Variants in NARS2 observed in about 807,000 individuals in gnomAD.
NARS2 encodes the protein asparaginyl-tRNA synthetase 2, mitochondrial.
NARS2 carries 60 observed loss-of-function variants against 62.9 expected under a neutral mutation model. The ratio of observed to expected loss-of-function variants is 0.95; its 90% CI spans 0.77 to 1.18. NARS2 has a LOEUF of 1.18. NARS2 is among the 50% of genes most tolerant of loss of function. The probability of loss-of-function intolerance (pLI) is 0.00; values close to 1 mark genes in which losing one functional copy is unlikely to be tolerated. For synonymous variants in NARS2, 196 were observed against 200.0 expected (o/e 0.98, Z 0.17); for missense variants, 619 against 576.4 (o/e 1.07, Z -0.76).
Position 78,493,149 on chromosome 11 carries a change from T to G in NARS2, c.736A>C (p.Asn246His). 1 of 1,614,032 alleles carries G rather than the reference T, an allele frequency of 6.2e-7. No homozygotes were observed. The highest frequency in any genetic ancestry group is 8.5e-7 in the Non-Finnish European group (1 of 1,179,952). The change falls in exon 7 of 14, where the codon AAT becomes CAT. Residue 246 changes from asparagine to histidine, a missense_variant. Asn to His is a moderately conservative substitution (Grantham distance 68). Coordinates refer to ENST00000281038, the MANE Select transcript of NARS2 (RefSeq NM_024678.6). The stretch of plus-strand genomic sequence containing the variant: ...GCCAGGTGCCTCCGGCTCTGAGAAT[T>G]TTCAGCTCGGAAGGTCGGACCAAAG... ...FTFGPTFRAE[N>H]SQSRRHLAEF...
In NARS2 at chr11:78,522,119, ATTTTT is replaced by A. The variant is rs59159824; in HGVS notation, c.689+6718_689+6722del. On this transcript the variant is annotated intron_variant, in intron 6 of 13. Transcript: ENST00000281038. ...TGGTATGTGCCACTACATCCAGCTA[ATTTTT>A]TTTTTTTTTTTTTTGGTAGAGATAA... Among the ~76,000 whole-genome samples, 1,283 of 134,916 alleles carry A rather than the reference ATTTTT, an allele frequency of 9.5e-3. 30 individuals are homozygous for A. Among genetic ancestry groups the A allele is most frequent in the African/African-American group, 0.034 (1,230 of 36,590 alleles). 88.5% of individuals were successfully genotyped at this position (134,916 alleles called of 152,430 possible). A position where few individuals can be genotyped will look rare whatever the true frequency, so the allele number is the denominator to read the frequency against.
Position 78,465,980 on chromosome 11 carries a change from A to C in NARS2, c.1060T>G (p.Tyr354Asp). The change falls in exon 11 of 14, where the codon TAC (tyrosine) becomes GAC (aspartate). Residue 354 changes from tyrosine (Y) to aspartate (D), a missense_variant. Physicochemically the swap from Tyr to Asp is radical, Grantham distance 160. Coordinates refer to ENST00000281038, the MANE Select transcript of NARS2 (RefSeq NM_024678.6). Reference sequence around the variant, plus strand: ...ATGTTGCCACAGTGCTTCACCAGGTACTTTTCATGTTCAGTCCGTAGGTCA... The same window carrying C: ...ATGTTGCCACAGTGCTTCACCAGGTCCTTTTCATGTTCAGTCCGTAGGTCA... ...GADLRTEHEK[Y>D]LVKHCGNIPV... is the part of the protein sequence containing the mutation. 1.2e-6 allele frequency: 2 copies of C among 1,613,284 alleles called. No individual in the cohort carries two copies. Among genetic ancestry groups the C allele is most frequent in the Non-Finnish European group, 1.7e-6 (2 of 1,179,620 alleles).
chr11:78,526,640 T>G (rs1861304112), intron 6 of NARS2, among the ~76,000 whole-genome samples: 1 of 152,256 alleles, frequency 6.6e-6, no homozygotes, highest in East Asian at 1.9e-4. Flanking sequence ...ATACAAAACC[T>G]AGTATTCTAC....
intron 5 of NARS2, among the ~76,000 whole-genome samples, chr11:78,538,994 C>CAAAAAAAAAAAAAAA (rs59917269): frequency 8.0e-5 from 4 of 49,794 alleles, no homozygotes; most frequent in East Asian, 1.5e-3. Context: ...GAATCCGTCT[C>CAAAAAAAAAAAAAAA]AAAAAAAAAA....
chr11:78,541,850 C>A (rs1855632600), intron 5 of NARS2, among the ~76,000 whole-genome samples: 1 of 152,184 alleles, frequency 6.6e-6, no homozygotes, highest in Non-Finnish European at 1.5e-5. Flanking sequence ...AGAAATTGTT[C>A]TGCATGCCAT....
At chr11:78,440,963 C>A (rs1183191090) in intron 13 of NARS2, 128 bp downstream of exon 13, 2 of 792,362 alleles carry the variant, frequency 2.5e-6, no homozygotes. Flanking sequence ...CCTTCCCTGA[C>A]CTAAGAACAG....
intron 11 of NARS2, among the ~76,000 whole-genome samples, chr11:78,463,234 AT>A (rs972764207): frequency 1.3e-5 from 2 of 151,854 alleles, no homozygotes; most frequent in Admixed American, 1.3e-4. Context: ...TGGCTAATTT[AT>A]TTTTTGTTGA....
rs1284992811 is a variant in NARS2, at chr11:78,465,985, T to C, written c.1055A>G (p.Glu352Gly). 2 of 1,612,694 alleles carry C rather than the reference T, an allele frequency of 1.2e-6. No individual in the cohort carries two copies. Residue 352 changes from glutamate to glycine, a missense_variant, in exon 11 of 14, where the codon GAA becomes GGA. Glu to Gly is a moderately conservative substitution (Grantham distance 98, BLOSUM62 -2). Coordinates refer to ENST00000281038, the MANE Select transcript of NARS2 (RefSeq NM_024678.6). ...GCCACAGTGCTTCACCAGGTACTTT[T>C]CATGTTCAGTCCGTAGGTCAGCACC... The part of the protein sequence containing the change: ...EWGADLRTEH[E>G]KYLVKHCGNI...
intron 5 of NARS2, among the ~76,000 whole-genome samples, chr11:78,530,918 T>C (rs1013579110): frequency 1.3e-5 from 2 of 152,236 alleles, no homozygotes; most frequent in African/African-American, 4.8e-5. Flanking sequence ...AAACTGATAC[T>C]ACCTTACTAT....
At chr11:78,476,052 G>A (rs529487167) in intron 9 of NARS2, among the ~76,000 whole-genome samples, 1 of 152,332 alleles carries the variant, frequency 6.6e-6, no homozygotes, top group Non-Finnish European at 1.5e-5. Flanking sequence ...TGTGATGTCT[G>A]CCTGCCTGAG....
chr11:78,494,485 T>C (rs1859974607), intron 6 of NARS2, among the ~76,000 whole-genome samples: 1 of 150,122 alleles, frequency 6.7e-6, no homozygotes, highest in African/African-American at 2.4e-5. Context: ...TTTTTTTTTT[T>C]TAGTAAAGAT....
chr11:78,518,308 C>T (rs1860986767), intron 6 of NARS2, among the ~76,000 whole-genome samples: 1 of 151,906 alleles, frequency 6.6e-6, no homozygotes, highest in African/African-American at 2.4e-5. Flanking sequence ...GGAACCAGTC[C>T]CCCTCAGATA....
chr11:78,494,016 A>G (rs1254511959), intron 6 of NARS2, among the ~76,000 whole-genome samples: 3 of 152,202 alleles, frequency 2.0e-5, no homozygotes, highest in Non-Finnish European at 4.4e-5. Context: ...TTCAAAGCCC[A>G]CTCAAGTCCT....
At chr11:78,450,408 T>C (rs954813612) in intron 11 of NARS2, among the ~76,000 whole-genome samples, 3 of 152,312 alleles carry the variant, frequency 2.0e-5, no homozygotes, top group Admixed American at 2.0e-4. Context: ...ACTAATTTAA[T>C]GGTATGCAGG....
chr11:78,449,976 C>A (rs756044128), intron 11 of NARS2, among the ~76,000 whole-genome samples: 22 of 152,116 alleles, frequency 1.4e-4, no homozygotes, highest in Non-Finnish European at 2.6e-4. Context: ...GGTCTTGGGG[C>A]AGATGGGAAA....
At chr11:78,468,191 A>C (rs1023419027) in intron 10 of NARS2, among the ~76,000 whole-genome samples, 4 of 151,394 alleles carry the variant, frequency 2.6e-5, no homozygotes, top group Non-Finnish European at 5.9e-5. Context: ...CTTAAATATA[A>C]AGTTCTTTAA....
intron 6 of NARS2, among the ~76,000 whole-genome samples, chr11:78,503,254 T>C (rs1394150144): frequency 6.6e-6 from 1 of 152,176 alleles, no homozygotes; most frequent in Admixed American, 6.5e-5. Context: ...GCACAGATGC[T>C]GAATGGTACA....
At chr11:78,437,410 T>C (rs985940365) in intron 13 of NARS2, among the ~76,000 whole-genome samples, 4 of 152,048 alleles carry the variant, frequency 2.6e-5, no homozygotes, top group African/African-American at 9.7e-5. Flanking sequence ...AATGCTGGAG[T>C]GAGGAGAAAC....
intron 11 of NARS2, among the ~76,000 whole-genome samples, chr11:78,462,242 C>T (rs985070422): frequency 4.6e-5 from 7 of 152,022 alleles, no homozygotes; most frequent in African/African-American, 2.4e-5. Flanking sequence ...GAAAAAAAGC[C>T]AACAGATACA....
Sources: gnomAD v4.1 joint callset for allele counts (sites outside exome capture counted in the v4.1 genomes callset) on GRCh38, gnomAD v4.1.1 for gene constraint, MANE v1.5 for transcripts, NCBI Gene and HGNC (gene_info 2026-07-23, HGNC 2026-07-21) for gene names.